Variants in FOXN3 observed in about 807,000 individuals in gnomAD.
The protein encoded by FOXN3 is forkhead box protein N3.
A neutral mutation model predicts 38.4 loss-of-function variants in FOXN3; 7 were observed. That is an observed-to-expected ratio of 0.18 (90% CI 0.10 to 0.34). The LOEUF (loss-of-function observed/expected upper bound fraction) is 0.34. FOXN3 is among the 10% of genes least tolerant of loss of function. The pLI, the probability that FOXN3 is intolerant of heterozygous loss-of-function variation, is 1.00. For missense variants in FOXN3, 456 were observed against 613.4 expected (o/e 0.74, Z 2.71); for synonymous variants, 230 against 242.2 (o/e 0.95, Z 0.47).
chr14:89,487,312 C>G (rs768693038), intron 1 of FOXN3, among the ~76,000 whole-genome samples: 2 of 152,210 alleles, frequency 1.3e-5, no homozygotes, highest in Non-Finnish European at 2.9e-5. Context: ...AACGAACTCT[C>G]TAATGAAAAG....
At chr14:89,498,377 C>A (rs1370051524) in intron 1 of FOXN3, among the ~76,000 whole-genome samples, 3 of 151,978 alleles carry the variant, frequency 2.0e-5, no homozygotes, top group African/African-American at 7.3e-5. Context: ...CACGTGCCAC[C>A]ACACCCAGCT....
intron 1 of FOXN3, among the ~76,000 whole-genome samples, chr14:89,541,607 C>G (rs1311440341): frequency 2.6e-5 from 4 of 152,134 alleles, no homozygotes; most frequent in Non-Finnish European, 1.5e-5. Context: ...AGCCAGCAGC[C>G]CTCGCAGCTG....
intron 4 of FOXN3, among the ~76,000 whole-genome samples, chr14:89,268,513 C>T (rs1434110483): frequency 2.0e-5 from 3 of 152,220 alleles, no homozygotes; most frequent in Non-Finnish European, 4.4e-5. Context: ...CCAATTCAAG[C>T]TGGCTTAAGT....
chr14:89,461,322 G>A (rs1488152731), intron 1 of FOXN3, among the ~76,000 whole-genome samples: 1 of 151,242 alleles, frequency 6.6e-6, no homozygotes, highest in African/African-American at 2.4e-5. Context: ...AGGCGACAGA[G>A]TGAGGCTCTG....
chr14:89,317,711 C>A (rs141047989), intron 3 of FOXN3, among the ~76,000 whole-genome samples: 3 of 152,006 alleles, frequency 2.0e-5, no homozygotes, highest in African/African-American at 4.8e-5. Context: ...CCTTTCCCCC[C>A]CCATAGAAAT....
intron 4 of FOXN3, among the ~76,000 whole-genome samples, chr14:89,256,009 C>T (rs1885607660): frequency 6.6e-6 from 1 of 152,136 alleles, no homozygotes; most frequent in African/African-American, 2.4e-5. Flanking sequence ...GTCTAGAGGG[C>T]AGGGTGGAGG....
intron 5 of FOXN3, among the ~76,000 whole-genome samples, chr14:89,177,829 C>G (rs182548435): frequency 5.3e-5 from 8 of 152,262 alleles, no homozygotes; most frequent in Middle Eastern, 3.4e-3. Context: ...CCCTGCCCCC[C>G]ACGCAAAGGT....
chr14:89,385,147 A>G (rs1890756850), intron 2 of FOXN3, among the ~76,000 whole-genome samples: 3 of 152,080 alleles, frequency 2.0e-5, no homozygotes, highest in Admixed American at 6.6e-5. Context: ...TCTATTTTCA[A>G]TTTTTACCTT....
At chr14:89,513,602 T>A (rs987373889) in intron 1 of FOXN3, among the ~76,000 whole-genome samples, 4 of 151,996 alleles carry the variant, frequency 2.6e-5, no homozygotes, top group African/African-American at 9.7e-5. Context: ...TTTTTATTTA[T>A]TTATTTTTTG....
intron 4 of FOXN3, among the ~76,000 whole-genome samples, chr14:89,194,050 T>C (rs1176381694): frequency 6.6e-6 from 1 of 152,228 alleles, no homozygotes; most frequent in Non-Finnish European, 1.5e-5. Context: ...ACTAGTATTA[T>C]TCAGTTGTAA....
intron 1 of FOXN3, among the ~76,000 whole-genome samples, chr14:89,438,345 T>C (rs1892312611): frequency 6.6e-6 from 1 of 152,254 alleles, no homozygotes; most frequent in Non-Finnish European, 1.5e-5. Flanking sequence ...TCTGACGCCT[T>C]ATATATGAAA....
intron 1 of FOXN3, among the ~76,000 whole-genome samples, chr14:89,471,852 C>T (rs1295346833): frequency 2.0e-5 from 3 of 152,176 alleles, no homozygotes; most frequent in Admixed American, 6.5e-5. Flanking sequence ...ACCTTTCCCT[C>T]GGCCACGGAG....
chr14:89,229,924 T>C (rs1466378395), intron 4 of FOXN3, among the ~76,000 whole-genome samples: 7 of 152,220 alleles, frequency 4.6e-5, no homozygotes, highest in Admixed American at 1.3e-4. Flanking sequence ...CCTGGCTCCA[T>C]GGCCCAGAAT....
At chr14:89,577,038 G>C (rs1895643405) in intron 1 of FOXN3, 4 of 152,164 alleles carry the variant, frequency 2.6e-5, no homozygotes, top group Admixed American at 2.0e-4. Context: ...TCTTGTCACC[G>C]TAAAAGGCTG....
intron 3 of FOXN3, among the ~76,000 whole-genome samples, chr14:89,336,170 A>ACAAG (rs1555419017): frequency 0.021 from 3,151 of 148,664 alleles, 35 homozygotes; most frequent in Non-Finnish European, 0.033. Context: ...ACACACACAC[A>ACAAG]CATTCATAAT....
intron 2 of FOXN3, among the ~76,000 whole-genome samples, chr14:89,404,791 G>A (rs897228641): frequency 7.9e-5 from 12 of 152,162 alleles, no homozygotes; most frequent in Middle Eastern, 3.4e-3. Flanking sequence ...GCCCCAGGTC[G>A]AGGATGAAGA....
chr14:89,390,292 T>C (rs1169204669), intron 2 of FOXN3, among the ~76,000 whole-genome samples: 2 of 120,532 alleles, frequency 1.7e-5, no homozygotes, highest in African/African-American at 2.7e-5. Flanking sequence ...TCTCGTTCTC[T>C]TTCTCTCTCT....
upstream of FOXN3, among the ~76,000 whole-genome samples, chr14:89,418,805 G>T (rs541303057): frequency 6.6e-6 from 1 of 152,130 alleles, no homozygotes; most frequent in African/African-American, 2.4e-5. Context: ...CTCCATCAGC[G>T]CGTCAGTTGA....
In FOXN3 at chr14:89,156,967, G is replaced by A. The variant is rs1356722059; in HGVS notation, c.*5447C>T. 1 of 152,566 alleles carries A rather than the reference G, an allele frequency of 6.6e-6. No individual in the cohort carries two copies. The highest frequency in any genetic ancestry group is 1.5e-5 in the Non-Finnish European group (1 of 68,028). The allele number at this position is 152,566 out of a possible 1,614,324, so 9.5% of individuals were successfully genotyped here. Reference sequence around the variant, plus strand: ...ATGAAAGGATGAATACAATTTCTAGGTTTAATAGGTTCACCATATCGAAGT... The same window carrying A: ...ATGAAAGGATGAATACAATTTCTAGATTTAATAGGTTCACCATATCGAAGT... On this transcript the variant is annotated 3_prime_UTR_variant, in exon 6 of 6. Transcript: ENST00000557258.
Sources: allele counts gnomAD v4.1 joint callset (sites outside exome capture counted in the v4.1 genomes callset), GRCh38; gene constraint gnomAD v4.1.1; transcripts MANE v1.5; gene names NCBI Gene and HGNC (gene_info 2026-07-23, HGNC 2026-07-21).